The following LRBA variants were observed in gnomAD, a reference collection of about 807,000 sequenced individuals.
LRBA encodes LPS responsive beige-like anchor protein, also known as lipopolysaccharide-responsive and beige-like anchor protein.
In LRBA, 176 loss-of-function variants were observed where a neutral mutation model predicts 330.0. The ratio of observed to expected loss-of-function variants is 0.53; its 90% confidence interval spans 0.47 to 0.60. The LOEUF (loss-of-function observed/expected upper bound fraction) is 0.60, where lower values mean the gene tolerates loss of function less well. LRBA is among the 20% of genes least tolerant of loss of function. The pLI, the probability that LRBA is intolerant of heterozygous loss-of-function variation, is 0.00. For synonymous variants in LRBA, 1,230 were observed against 1,193.0 expected (o/e 1.03, Z -0.64); for missense variants, 3,259 against 3,444.8 (o/e 0.95, Z 1.35).
intron 2 of LRBA, among the ~76,000 whole-genome samples, chr4:150,950,898 A>T (rs1736768430): frequency 6.6e-6 from 1 of 152,208 alleles, no homozygotes; most frequent in African/African-American, 2.4e-5. Context: ...AAGACTGAGA[A>T]TGTGAGCTAA....
intron 2 of LRBA, chr4:150,970,553 GTGTACA>G (rs764151221): frequency 6.3e-5 from 2 of 31,938 alleles, no homozygotes; most frequent in Non-Finnish European, 9.0e-5. Flanking sequence ...GTGTGTGTGT[GTGTACA>G]CACACACACA....
chr4:150,613,219 T>A (rs1464290622), intron 37 of LRBA, among the ~76,000 whole-genome samples: 1 of 152,208 alleles, frequency 6.6e-6, no homozygotes, highest in East Asian at 1.9e-4. Flanking sequence ...CATTTGGTGA[T>A]AGAAAGTCAT....
chr4:150,539,606 C>A (rs1765098731), intron 40 of LRBA, among the ~76,000 whole-genome samples: 1 of 152,186 alleles, frequency 6.6e-6, no homozygotes, highest in African/African-American at 2.4e-5. Flanking sequence ...TTAAGCGCAT[C>A]TTAAACAATA....
intron 31 of LRBA, among the ~76,000 whole-genome samples, chr4:150,815,242 A>G (rs1336364143): frequency 1.3e-5 from 2 of 151,856 alleles, no homozygotes; most frequent in Non-Finnish European, 2.9e-5. Flanking sequence ...GGACTACTCT[A>G]GAAAAACCAC....
chr4:150,616,609 T>C (rs950016075), intron 37 of LRBA, among the ~76,000 whole-genome samples: 4 of 152,188 alleles, frequency 2.6e-5, no homozygotes, highest in Non-Finnish European at 5.9e-5. Context: ...TTTAACAATA[T>C]TGATGTCTCT....
chr4:150,552,511 G>A (rs1192183706), intron 40 of LRBA, among the ~76,000 whole-genome samples: 1 of 152,118 alleles, frequency 6.6e-6, no homozygotes, highest in Non-Finnish European at 1.5e-5. Flanking sequence ...GTGTTGGAGA[G>A]GATGTGGAGA....
chr4:150,304,972 G>A (rs932948776), intron 52 of LRBA, among the ~76,000 whole-genome samples: 6 of 152,110 alleles, frequency 3.9e-5, no homozygotes, highest in African/African-American at 1.4e-4. Context: ...TATGACTTCT[G>A]CTTTAGCCTA....
At chr4:150,805,706 G>A (rs969283433) in intron 33 of LRBA, among the ~76,000 whole-genome samples, 1 of 151,670 alleles carries the variant, frequency 6.6e-6, no homozygotes, top group Non-Finnish European at 1.5e-5. Context: ...GAAGGAGAAG[G>A]AAAGGACCCA....
chr4:150,554,783 A>G (rs1012445465), intron 40 of LRBA, among the ~76,000 whole-genome samples: 1 of 152,140 alleles, frequency 6.6e-6, no homozygotes, highest in Non-Finnish European at 1.5e-5. Context: ...GAGGCTTTTC[A>G]GGAATGTTAT....
intron 47 of LRBA, among the ~76,000 whole-genome samples, chr4:150,401,979 T>C (rs930204297): frequency 5.3e-5 from 8 of 151,312 alleles, no homozygotes; most frequent in African/African-American, 1.7e-4. Context: ...AGGTTAACAA[T>C]AGTGAACCTG....
intron 35 of LRBA, among the ~76,000 whole-genome samples, chr4:150,748,577 G>C (rs1733076388): frequency 6.6e-6 from 1 of 151,572 alleles, no homozygotes; most frequent in Non-Finnish European, 1.5e-5. Context: ...TGAGGCAGGA[G>C]AATCGCTTGA....
chr4:150,704,352 G>A (rs1415430539), intron 36 of LRBA, among the ~76,000 whole-genome samples: 1 of 151,364 alleles, frequency 6.6e-6, no homozygotes, highest in African/African-American at 2.4e-5. Flanking sequence ...ACTGGAGAAG[G>A]TTCTCTTTTT....
intron 44 of LRBA, among the ~76,000 whole-genome samples, chr4:150,459,821 C>T (rs1754546399): frequency 6.6e-6 from 1 of 151,838 alleles, no homozygotes; most frequent in African/African-American, 2.4e-5. Context: ...ATTATGTCAG[C>T]CAATAAAACA....
At chr4:150,740,912 T>A (rs1205869130) in intron 35 of LRBA, among the ~76,000 whole-genome samples, 1 of 152,064 alleles carries the variant, frequency 6.6e-6, no homozygotes, top group Non-Finnish European at 1.5e-5. Context: ...GACTTATAAG[T>A]AAGATGGTCT....
chr4:150,384,741 A>G, intron 47 of LRBA, among the ~76,000 whole-genome samples: 1 of 151,770 alleles, frequency 6.6e-6, no homozygotes, highest in East Asian at 1.9e-4. Flanking sequence ...TATAAAATAC[A>G]AACTTTAATT....
At chr4:150,269,770 G>A (rs964762541) in intron 56 of LRBA, among the ~76,000 whole-genome samples, 4 of 152,098 alleles carry the variant, frequency 2.6e-5, no homozygotes, top group African/African-American at 9.7e-5. Flanking sequence ...GCAACATAGT[G>A]AGACCCTGTC....
intron 22 of LRBA, among the ~76,000 whole-genome samples, chr4:150,866,866 G>A (rs1416423527): frequency 6.6e-6 from 1 of 151,844 alleles, no homozygotes; most frequent in Non-Finnish European, 1.5e-5. Context: ...TTTACCTTAA[G>A]TGCAAACATA....
At chr4:150,611,457 T>C (rs1026094700) in intron 37 of LRBA, among the ~76,000 whole-genome samples, 3 of 152,188 alleles carry the variant, frequency 2.0e-5, no homozygotes, top group African/African-American at 7.2e-5. Flanking sequence ...TGAGGTTCAT[T>C]AATATACTTC....
rs34953220 is a variant in LRBA at position 150,768,743 on chromosome 4, T to TCTC, written c.5581-6897_5581-6896insGAG. Reference sequence around the variant, plus strand: ...GTTAACCAGACATTTGAGGAAACCCTCTTCTGTGATGACAGACACCAAAGC... The same window carrying TCTC: ...GTTAACCAGACATTTGAGGAAACCCTCTCCTTCTGTGATGACAGACACCAAAGC... On this transcript the variant is annotated intron_variant, in intron 34 of 56. Transcript: ENST00000651943. Among the ~76,000 whole-genome samples the TCTC allele has an allele frequency of 1.1e-4, 3 of 26,244 alleles. No homozygotes were observed. The Non-Finnish European group carries it at 4.2e-3, about 37-fold the overall frequency. The allele number at this position is 26,244 out of a possible 152,430, so 17.2% of individuals were successfully genotyped here.
Sources: gnomAD v4.1 joint callset for allele counts (sites outside exome capture counted in the v4.1 genomes callset) on GRCh38, gnomAD v4.1.1 for gene constraint, MANE v1.5 for transcripts, NCBI Gene and HGNC (gene_info 2026-07-23, HGNC 2026-07-21) for gene names.